The following SHC4 variants were observed in gnomAD, a reference collection of about 807,000 sequenced individuals.
SHC4 encodes SHC adaptor protein 4.
SHC4 carries 41 observed loss-of-function variants against 69.4 expected under a neutral mutation model. That is an observed-to-expected ratio of 0.59 (90% confidence interval 0.46 to 0.77). The LOEUF (loss-of-function observed/expected upper bound fraction) is 0.77. Ranked by LOEUF, SHC4 falls within the 30% of genes least tolerant of loss-of-function variation. SHC4 has a pLI of 0.00. For synonymous variants in SHC4, 318 were observed against 299.3 expected (o/e 1.06, Z -0.64); for missense variants, 777 against 783.8 (o/e 0.99, Z 0.10).
Position 48,856,091 on chromosome 15 carries a change from C to A in SHC4, c.1104G>T (p.Glu368Asp), listed in dbSNP as rs1258883661. Residue 368 changes from glutamate (E) to aspartate (D), a missense_variant, in exon 8 of 12, where the codon GAG becomes GAT. Glu to Asp is a conservative substitution (Grantham distance 45). Coordinates refer to ENST00000332408, the MANE Select transcript of SHC4 (RefSeq NM_203349.4). ...EEVHIDSHAE[E>D]REDHEYYNEI... The stretch of plus-strand genomic sequence containing the variant: ...CATTGTAATATTCATGATCTTCTCT[C>A]TCCTCGGCATGGCTATCAATATGCA... 7 of 1,613,564 alleles carry A rather than the reference C, an allele frequency of 4.3e-6. No individual in the cohort carries two copies. The highest frequency in any genetic ancestry group is 2.2e-5 in the East Asian group (1 of 44,886).
At chr15:48,856,821 C>T (rs1181001223) in intron 7 of SHC4, among the ~76,000 whole-genome samples, 1 of 147,730 alleles carries the variant, frequency 6.8e-6, no homozygotes, top group Non-Finnish European at 1.5e-5. Context: ...TTGGATTGAA[C>T]TGATTCAACT....
At chr15:48,876,894 G>A in intron 4 of SHC4, 1 of 208,780 alleles carries the variant, frequency 4.8e-6, no homozygotes, top group Non-Finnish European at 9.7e-6. Context: ...TTGACACTCA[G>A]TATTAACCAT....
chr15:48,907,643 A>G (rs1452201716), intron 2 of SHC4, among the ~76,000 whole-genome samples: 1 of 151,728 alleles, frequency 6.6e-6, no homozygotes, highest in Non-Finnish European at 1.5e-5. Context: ...CCCACTTATC[A>G]GTGAGAACAT....
At chr15:48,886,126 G>A (rs932855153) in intron 3 of SHC4, among the ~76,000 whole-genome samples, 5 of 150,406 alleles carry the variant, frequency 3.3e-5, no homozygotes, top group Non-Finnish European at 6.0e-5. Flanking sequence ...GCGTGGTGGC[G>A]CATGCCTGTA....
chr15:48,829,454 A>C (rs979771748), intron 11 of SHC4, among the ~76,000 whole-genome samples: 4 of 152,254 alleles, frequency 2.6e-5, no homozygotes, highest in Admixed American at 6.5e-5. Context: ...CTTCCTGAAG[A>C]ATTGATCCTT....
chr15:48,831,555 C>T (rs1898801397), intron 11 of SHC4, among the ~76,000 whole-genome samples: 1 of 152,170 alleles, frequency 6.6e-6, no homozygotes, highest in African/African-American at 2.4e-5. Flanking sequence ...GGTTTGCAAC[C>T]TACAAGCAAT....
chr15:48,864,533 C>T (rs1201105723), intron 6 of SHC4, among the ~76,000 whole-genome samples: 4 of 148,906 alleles, frequency 2.7e-5, no homozygotes, highest in South Asian at 2.1e-4. Flanking sequence ...CTGCAAGCTC[C>T]GCCTCCCGGG....
intron 1 of SHC4, among the ~76,000 whole-genome samples, chr15:48,961,994 G>T (rs1490221020): frequency 6.6e-6 from 1 of 152,218 alleles, no homozygotes; most frequent in Non-Finnish European, 1.5e-5. Context: ...TACACACCAT[G>T]TGTTTCTACA....
chr15:48,962,193 C>A (rs753523967), intron 1 of SHC4, among the ~76,000 whole-genome samples: 115 of 152,282 alleles, frequency 7.6e-4, no homozygotes, highest in Middle Eastern at 3.4e-3. Flanking sequence ...CCCACAAGTT[C>A]ATGTCCTACA....
intron 3 of SHC4, among the ~76,000 whole-genome samples, chr15:48,886,943 C>A (rs1038716231): frequency 6.6e-6 from 1 of 152,062 alleles, no homozygotes; most frequent in African/African-American, 2.4e-5. Context: ...GGTGCTTATC[C>A]ACATTTTACA....
At position 48,834,895 on chromosome 15, in the gene SHC4, C is replaced by T; in HGVS notation, c.1611G>A (p.Glu537=). The T allele has an allele frequency of 6.2e-7, 1 of 1,614,166 alleles. No individual in the cohort carries two copies. Among genetic ancestry groups the T allele is most frequent in the Non-Finnish European group, 8.5e-7 (1 of 1,180,016 alleles). Residue 537 remains glutamate, a synonymous_variant, in exon 11 of 12, where the codon GAG becomes GAA. Coordinates refer to ENST00000332408, the MANE Select transcript of SHC4 (RefSeq NM_203349.4). ...YHGKLSRKAA[E]SLLVKDGDFL... ...AGTCCCCATCCTTTACCAAGAGGCTCTCTGCCGCCTTCCTGCTCAGCTTGC... is the reference window on the plus strand; with the variant it reads ...AGTCCCCATCCTTTACCAAGAGGCTTTCTGCCGCCTTCCTGCTCAGCTTGC...
At chr15:48,849,620 T>G (rs1899168108) in intron 9 of SHC4, among the ~76,000 whole-genome samples, 1 of 152,138 alleles carries the variant, frequency 6.6e-6, no homozygotes, top group Non-Finnish European at 1.5e-5. Flanking sequence ...ATGGAGGTAT[T>G]TCCAAGTGAG....
chr15:48,932,711 G>C (rs1900991097), intron 1 of SHC4, among the ~76,000 whole-genome samples: 1 of 152,044 alleles, frequency 6.6e-6, no homozygotes, highest in South Asian at 2.1e-4. Context: ...CCTACCTGCA[G>C]CCTTGATCTT....
At chr15:48,951,977 T>A (rs1378920588) in intron 1 of SHC4, among the ~76,000 whole-genome samples, 1 of 152,152 alleles carries the variant, frequency 6.6e-6, no homozygotes, top group Non-Finnish European at 1.5e-5. Flanking sequence ...TAAGGAGATG[T>A]GAAATTTAGT....
intron 2 of SHC4, among the ~76,000 whole-genome samples, chr15:48,906,486 C>G (rs1215018396): frequency 6.6e-6 from 1 of 152,014 alleles, no homozygotes; most frequent in Non-Finnish European, 1.5e-5. Flanking sequence ...TCCTACTCCC[C>G]CATCTCATCC....
At chr15:48,928,452 G>C (rs1197739218) in intron 1 of SHC4, among the ~76,000 whole-genome samples, 2 of 152,072 alleles carry the variant, frequency 1.3e-5, no homozygotes. Context: ...ACAGGAGGGG[G>C]ACAAAGGGAC....
At chr15:48,878,841 G>A (rs1460856899) in intron 4 of SHC4, 2 of 1,206,990 alleles carry the variant, frequency 1.7e-6, no homozygotes, top group Non-Finnish European at 1.1e-6. Flanking sequence ...TGAAAAACTT[G>A]ACCTTCAAAA....
intron 9 of SHC4, among the ~76,000 whole-genome samples, chr15:48,844,395 C>A (rs1899050029): frequency 6.6e-6 from 1 of 152,170 alleles, no homozygotes; most frequent in African/African-American, 2.4e-5. Context: ...CCCAGCTACC[C>A]TTCTTCCTCT....
chr15:48,929,763 C>G (rs1900922604), intron 1 of SHC4, among the ~76,000 whole-genome samples: 1 of 152,204 alleles, frequency 6.6e-6, no homozygotes, highest in South Asian at 2.1e-4. Flanking sequence ...GGAGAGGACA[C>G]TGAAGACCTT....
Sources: gnomAD v4.1 joint callset for allele counts (sites outside exome capture counted in the v4.1 genomes callset) on GRCh38, gnomAD v4.1.1 for gene constraint, MANE v1.5 for transcripts, NCBI Gene and HGNC (gene_info 2026-07-23, HGNC 2026-07-21) for gene names.